Variants in PCDHA4 observed in about 807,000 individuals in gnomAD.
PCDHA4 encodes the protein protocadherin alpha-4.
In PCDHA4, 49 loss-of-function variants were observed where a neutral mutation model predicts 61.4. The observed-to-expected ratio is 0.80, with a 90% CI of 0.63 to 1.01. The LOEUF (loss-of-function observed/expected upper bound fraction) is 1.01. Ranked by LOEUF, PCDHA4 falls within the 50% of genes least tolerant of loss-of-function variation. The pLI, the probability that PCDHA4 is intolerant of heterozygous loss-of-function variation, is 0.00. For missense variants in PCDHA4, 1,254 were observed against 1,235.8 expected (o/e 1.01, Z -0.22); for synonymous variants, 590 against 550.3 (o/e 1.07, Z -1.01).
intron 1 of PCDHA4, chr5:140,828,496 A>G: frequency 1.9e-6 from 3 of 1,614,252 alleles, no homozygotes; most frequent in Non-Finnish European, 2.5e-6. Flanking sequence ...TGTTCCCGGT[A>G]GAGGAACAAA....
intron 2 of PCDHA4, among the ~76,000 whole-genome samples, 188 bp downstream of exon 2, chr5:140,979,195 T>C (rs1554240340): frequency 1.3e-5 from 2 of 152,232 alleles, no homozygotes; most frequent in African/African-American, 4.8e-5. Context: ...GCCAGATGCT[T>C]ATCAAGTGCT....
At chr5:140,883,844 G>T (rs1404353270) in intron 1 of PCDHA4, 10 of 1,612,718 alleles carry the variant, frequency 6.2e-6, no homozygotes, top group South Asian at 1.1e-5. Flanking sequence ...GTTGGACCAC[G>T]AGGAGCTGGA....
intron 1 of PCDHA4, chr5:140,864,136 T>C (rs2048335461): frequency 6.6e-6 from 1 of 152,238 alleles, no homozygotes; most frequent in African/African-American, 2.4e-5. Flanking sequence ...AGTGGCTGTT[T>C]CCTGTAAATG....
chr5:140,861,521 G>T, intron 1 of PCDHA4: 1 of 460,572 alleles, frequency 2.2e-6, no homozygotes, highest in Non-Finnish European at 4.5e-6. Flanking sequence ...TGTGTGGGAG[G>T]ATCTCGGAGT....
In PCDHA4 at chr5:141,012,060, A is replaced by T. The variant is rs919882671; in HGVS notation, c.*2123A>T. 3.9e-5 allele frequency: 6 copies of T among 153,766 alleles called. No individual in the cohort carries two copies. The highest frequency in any genetic ancestry group is 8.8e-5 in the Non-Finnish European group (6 of 68,040). 9.5% of individuals were successfully genotyped at this position (153,766 alleles called of 1,614,324 possible). ...GCATGGGGTAAAACTTGTTACCAAC[A>T]CATGTGAACCATTGCTACATTGTAG... On this transcript the variant is annotated 3_prime_UTR_variant, in exon 4 of 4. Transcript: ENST00000530339.
At chr5:140,875,264 C>T (rs1017689371) in intron 1 of PCDHA4, 10 of 1,189,206 alleles carry the variant, frequency 8.4e-6, no homozygotes, top group Non-Finnish European at 1.0e-5. Flanking sequence ...TGATGTCGCT[C>T]TACACTCAGA....
intron 1 of PCDHA4, chr5:140,825,308 A>C (rs758999879): frequency 6.7e-6 from 1 of 148,832 alleles, no homozygotes. Flanking sequence ...TGGAACAATG[A>C]TTTAATTTTC....
At position 140,842,829 on chromosome 5, in the gene PCDHA4, C is replaced by T. The variant is rs2150345601; in HGVS notation, c.2385+33257C>T. On this transcript the variant is annotated intron_variant, in intron 1 of 3. Transcript: ENST00000530339. Reference sequence around the variant, plus strand: ...GTGGAGCGGCGGGTGGGCGAGCGCTCGCTGTCGAGCTACATTTCGGTGCAC... The same window carrying T: ...GTGGAGCGGCGGGTGGGCGAGCGCTTGCTGTCGAGCTACATTTCGGTGCAC... 6.9e-5 allele frequency: 110 copies of T among 1,593,636 alleles called. 11 individuals carry two copies. The highest frequency in any genetic ancestry group is 9.4e-5 in the Non-Finnish European group (109 of 1,165,332).
At chr5:140,934,660 C>T (rs139449604) in intron 1 of PCDHA4, among the ~76,000 whole-genome samples, 2 of 152,152 alleles carry the variant, frequency 1.3e-5, no homozygotes, top group African/African-American at 2.4e-5. Flanking sequence ...TGATTCTTCC[C>T]CTTTGTTTAG....
intron 1 of PCDHA4, chr5:140,829,415 T>C: frequency 6.2e-7 from 1 of 1,614,082 alleles, no homozygotes; most frequent in South Asian, 1.1e-5. Flanking sequence ...CGCCAGCTTG[T>C]CTGTGGAGGT....
intron 1 of PCDHA4, chr5:140,876,023 C>CA: frequency 1.9e-6 from 3 of 1,612,330 alleles, no homozygotes; most frequent in Non-Finnish European, 2.5e-6. Context: ...AAAATAAAAA[C>CA]AAAAAAAGAT....
intron 1 of PCDHA4, among the ~76,000 whole-genome samples, chr5:140,889,202 T>G (rs1329949873): frequency 6.6e-6 from 1 of 151,910 alleles, no homozygotes; most frequent in Non-Finnish European, 1.5e-5. Context: ...ACTTGAATAC[T>G]TAACAAAGAA....
intron 1 of PCDHA4, among the ~76,000 whole-genome samples, chr5:140,931,837 G>A (rs1422066331): frequency 6.6e-6 from 1 of 151,798 alleles, no homozygotes; most frequent in Non-Finnish European, 1.5e-5. Flanking sequence ...TATCCTGAAT[G>A]CCTTAATAAC....
At chr5:140,828,942 T>G (rs2150161123) in intron 1 of PCDHA4, 2 of 1,614,258 alleles carry the variant, frequency 1.2e-6, no homozygotes, top group Admixed American at 3.3e-5. Context: ...TTTAATAGCC[T>G]TGTTGCAGCC....
chr5:140,992,822 T>G (rs560336634), intron 3 of PCDHA4, among the ~76,000 whole-genome samples: 6 of 152,240 alleles, frequency 3.9e-5, no homozygotes, highest in Admixed American at 3.3e-4. Flanking sequence ...GATGTGTTTG[T>G]TTTTTGGGAA....
intron 1 of PCDHA4, among the ~76,000 whole-genome samples, chr5:140,907,186 C>A (rs782137829): frequency 1.3e-4 from 20 of 152,186 alleles, no homozygotes; most frequent in Non-Finnish European, 2.5e-4. Context: ...AGAGCATACA[C>A]AACCTTCTGG....
intron 1 of PCDHA4, chr5:140,883,585 C>T (rs782326010): frequency 4.3e-6 from 7 of 1,613,932 alleles, no homozygotes; most frequent in East Asian, 4.5e-5. Flanking sequence ...GGGCCACGGC[C>T]AGCGTGTCGG....
intron 1 of PCDHA4, chr5:140,835,296 A>G (rs2150233406): frequency 1.2e-6 from 2 of 1,612,776 alleles, no homozygotes; most frequent in Non-Finnish European, 8.5e-7. Flanking sequence ...AATCACAGTG[A>G]TAGGACATAT....
chr5:140,823,840 G>T, intron 1 of PCDHA4: 1 of 1,613,840 alleles, frequency 6.2e-7, no homozygotes, highest in East Asian at 2.2e-5. Flanking sequence ...TGTGGGTCCC[G>T]AGGCTGCCCT....
Sources: allele counts gnomAD v4.1 joint callset (sites outside exome capture counted in the v4.1 genomes callset), GRCh38; gene constraint gnomAD v4.1.1; transcripts MANE v1.5; gene names NCBI Gene and HGNC (gene_info 2026-07-23, HGNC 2026-07-21).